MALRD1: variants seen among roughly 807,000 people sequenced by gnomAD.
MALRD1 encodes MAM and LDL-receptor class A domain-containing protein 1.
Under a neutral mutation model 242.1 loss-of-function variants are expected in MALRD1, and 247 were observed. That is an observed-to-expected ratio of 1.02 (90% CI 0.92 to 1.13). MALRD1 has a LOEUF of 1.13. Among genes scored for constraint, MALRD1 ranks in the 50% most tolerant of loss-of-function variants. MALRD1 has a pLI of 0.00. For missense variants in MALRD1, 2,989 were observed against 2,533.1 expected, an observed-to-expected ratio of 1.18 and a Z score of -3.86; for synonymous variants, 995 against 866.6, an observed-to-expected ratio of 1.15 and a Z score of -2.60.
rs149805294 is a variant in MALRD1, at chr10:19,392,262, C to G, written c.4845+2653C>G. On this transcript the variant is annotated intron_variant, in intron 28 of 39. Coordinates refer to ENST00000454679, the MANE Select transcript of MALRD1 (RefSeq NM_001142308.3). Reference sequence around the variant, plus strand: ...AGAGGAGTCACAGAAATAACTTTACCACCCTATAGCTAAATACCCAGTCAG... The same window carrying G: ...AGAGGAGTCACAGAAATAACTTTACGACCCTATAGCTAAATACCCAGTCAG... Among the ~76,000 whole-genome samples, 726 of 152,090 alleles carry G rather than the reference C, an allele frequency of 4.8e-3. 5 individuals carry two copies. Among genetic ancestry groups the G allele is most frequent in the Middle Eastern group, 0.017 (5 of 294 alleles).
At chr10:19,241,996 GT>G (rs2131747275) in intron 18 of MALRD1, among the ~76,000 whole-genome samples, 1 of 152,244 alleles carries the variant, frequency 6.6e-6, no homozygotes, top group Admixed American at 6.5e-5. Context: ...CCTAGAGAAT[GT>G]TTGGTGTACA....
chr10:19,691,922 A>G (rs964670821), intron 36 of MALRD1, among the ~76,000 whole-genome samples: 6 of 152,112 alleles, frequency 3.9e-5, no homozygotes, highest in Non-Finnish European at 5.9e-5. Flanking sequence ...TCTCTTCACT[A>G]TAGAAAAATG....
rs1461027807 is a variant in MALRD1, at chr10:19,091,971, C to G, written c.597+3786C>G. On this transcript the variant is annotated intron_variant, in intron 4 of 39. Coordinates refer to ENST00000454679, the MANE Select transcript of MALRD1 (RefSeq NM_001142308.3). ...TCTGAGAGATAGTTTGTTATAATTT[C>G]TGTTCTTTTACATTTGCTGAGGAGA... is the stretch of plus-strand genomic sequence containing the variant. 4.9e-5 allele frequency among the ~76,000 whole-genome samples: 3 copies of G among 60,816 alleles called. 1 individual carries two copies. The highest frequency in any genetic ancestry group is 8.5e-5 in the Non-Finnish European group (3 of 35,292). The allele number at this position is 60,816 out of a possible 152,430, so 39.9% of individuals were successfully genotyped here. A position where few individuals can be genotyped will look rare whatever the true frequency, so the allele number is the denominator to read the frequency against.
At chr10:19,455,417 C>A (rs1177292526) in intron 29 of MALRD1, among the ~76,000 whole-genome samples, 1 of 151,976 alleles carries the variant, frequency 6.6e-6, no homozygotes, top group Non-Finnish European at 1.5e-5. Context: ...TGTTAATATC[C>A]CAGATCAGCA....
intron 36 of MALRD1, among the ~76,000 whole-genome samples, chr10:19,653,201 T>C (rs1421817047): frequency 6.6e-6 from 1 of 151,160 alleles, no homozygotes; most frequent in African/African-American, 2.4e-5. Flanking sequence ...ATTTTATTAT[T>C]ATTATTTTTT....
chr10:19,076,291 TCTAC>T (rs1395588783), intron 2 of MALRD1, among the ~76,000 whole-genome samples: 10 of 152,098 alleles, frequency 6.6e-5, no homozygotes, highest in African/African-American at 2.4e-4. Flanking sequence ...CATCTATCTA[TCTAC>T]CTATCTTCCA....
intron 4 of MALRD1, among the ~76,000 whole-genome samples, chr10:19,101,747 TA>T (rs1451359049): frequency 7.3e-6 from 1 of 136,158 alleles, no homozygotes; most frequent in Non-Finnish European, 1.5e-5. Context: ...ATCACATATA[TA>T]ATATATATTA....
Position 19,564,014 on chromosome 10 carries a change from A to G in MALRD1, c.5479-3488A>G, listed in dbSNP as rs1050746073. On this transcript the variant is annotated intron_variant, in intron 32 of 39. Coordinates refer to ENST00000454679, the MANE Select transcript of MALRD1 (RefSeq NM_001142308.3). ...CCCAGTTGGCCTTCTGCCATGAGAA[A>G]AAGATTCTTGAAGCCTCCCCAGAAG... is the stretch of plus-strand genomic sequence containing the variant. Among the ~76,000 whole-genome samples the G allele has an allele frequency of 2.2e-4, 34 of 152,192 alleles. 1 individual carries two copies. Among genetic ancestry groups the G allele is most frequent in the Non-Finnish European group, 3.7e-4 (25 of 68,036 alleles).
Position 19,625,488 on chromosome 10 carries a change from A to G in MALRD1, c.6137+9565A>G, listed in dbSNP as rs114662516. ...GAACATTCCCTGAACCCATAAGCAT[A>G]CAGATCATATCCTGTGTGCAGTGCA... On this transcript the variant is annotated intron_variant, in intron 36 of 39. Transcript: ENST00000454679. 9.2e-3 allele frequency among the ~76,000 whole-genome samples: 1,401 copies of G among 152,200 alleles called. 20 individuals are homozygous for G. The highest frequency in any genetic ancestry group is 0.032 in the African/African-American group (1,315 of 41,530).
intron 29 of MALRD1, among the ~76,000 whole-genome samples, chr10:19,472,239 C>T (rs954984921): frequency 2.0e-5 from 3 of 152,028 alleles, no homozygotes; most frequent in African/African-American, 7.2e-5. Flanking sequence ...CTTTGAATCT[C>T]ATGAATAAAT....
intron 33 of MALRD1, among the ~76,000 whole-genome samples, chr10:19,588,256 A>AT (rs1837552914): frequency 6.6e-6 from 1 of 152,168 alleles, no homozygotes; most frequent in African/African-American, 2.4e-5. Flanking sequence ...CAGTTCGTCC[A>AT]TTTTGATTAT....
Position 19,176,520 on chromosome 10 carries a change from G to A in MALRD1, c.1951+1192G>A, listed in dbSNP as rs902259009. On this transcript the variant is annotated intron_variant, in intron 14 of 39. Transcript: ENST00000454679. ...CTCCCGAGTAGCTGGGACTACAGGC[G>A]CCCGCCACCGCGCCCGGCTAATTTT... Among the ~76,000 whole-genome samples the A allele has an allele frequency of 8.1e-3, 1,207 of 149,314 alleles. 10 individuals are homozygous for A. Among genetic ancestry groups the A allele is most frequent in the African/African-American group, 0.028 (1,140 of 40,626 alleles).
At chr10:19,446,673 A>G (rs1252333496) in intron 28 of MALRD1, among the ~76,000 whole-genome samples, 1 of 152,234 alleles carries the variant, frequency 6.6e-6, no homozygotes, top group Non-Finnish European at 1.5e-5. Flanking sequence ...CAAAAGTTCC[A>G]TGCATATACT....
At chr10:19,178,756 T>A (rs1033294435) in intron 14 of MALRD1, among the ~76,000 whole-genome samples, 2 of 152,210 alleles carry the variant, frequency 1.3e-5, no homozygotes, top group African/African-American at 4.8e-5. Context: ...CTGGTGAGGA[T>A]GCAGGTTGTA....
intron 26 of MALRD1, among the ~76,000 whole-genome samples, chr10:19,374,637 T>G (rs886213845): frequency 6.6e-6 from 1 of 152,132 alleles, no homozygotes; most frequent in African/African-American, 2.4e-5. Flanking sequence ...TACTGAAGGT[T>G]TATGGAATCA....
chr10:19,394,553 A>G (rs199926675), intron 28 of MALRD1, among the ~76,000 whole-genome samples: 1 of 152,182 alleles, frequency 6.6e-6, no homozygotes, highest in East Asian at 1.9e-4. Flanking sequence ...TCTAGGGAGC[A>G]ATGAGCCTTG....
chr10:19,701,566 A>G (rs1833629371), intron 38 of MALRD1, among the ~76,000 whole-genome samples: 1 of 152,078 alleles, frequency 6.6e-6, no homozygotes, highest in African/African-American at 2.4e-5. Flanking sequence ...GTACTGAAGC[A>G]CCCAAAAAAG....
chr10:19,384,969 T>C (rs1193324726), intron 26 of MALRD1, among the ~76,000 whole-genome samples: 1 of 151,770 alleles, frequency 6.6e-6, no homozygotes, highest in Non-Finnish European at 1.5e-5. Flanking sequence ...GATTTTATTA[T>C]GAAATGGTGT....
At chr10:19,461,323 G>A (rs4528215) in intron 29 of MALRD1, among the ~76,000 whole-genome samples, 47,063 of 151,972 alleles carry the variant, frequency 0.31, 7,839 homozygotes, top group East Asian at 0.41. Context: ...AGGTCAGGAA[G>A]GAGTTCAGAG....
Sources: allele counts gnomAD v4.1 joint callset (sites outside exome capture counted in the v4.1 genomes callset), GRCh38; gene constraint gnomAD v4.1.1; transcripts MANE v1.5; gene names NCBI Gene and HGNC (gene_info 2026-07-23, HGNC 2026-07-21).